The following PCDH15 variants were observed in gnomAD, a reference collection of about 807,000 sequenced individuals.
PCDH15 encodes protocadherin related 15.
PCDH15 carries 129 observed loss-of-function variants against 178.5 expected under a neutral mutation model. The observed-to-expected ratio is 0.72, with a 90% CI of 0.63 to 0.84. The LOEUF is 0.84. Among genes scored for constraint, PCDH15 ranks in the 40% least tolerant of loss-of-function variants. The pLI is 0.00. For missense variants in PCDH15, 2,230 were observed against 2,099.9 expected (o/e 1.06, Z -1.21); for synonymous variants, 800 against 732.0 (o/e 1.09, Z -1.50).
intron 2 of PCDH15, among the ~76,000 whole-genome samples, chr10:55,538,428 T>C (rs542045941): frequency 2.9e-4 from 37 of 126,906 alleles, no homozygotes; most frequent in African/African-American, 9.0e-4. Context: ...CTCCCTCCCT[T>C]CCTTCCTTCC....
intron 4 of PCDH15, among the ~76,000 whole-genome samples, chr10:54,374,947 C>A (rs1352552971): frequency 6.6e-6 from 1 of 151,906 alleles, no homozygotes; most frequent in South Asian, 2.1e-4. Context: ...ATATTGTTTG[C>A]TTTTAATTCT....
At chr10:54,675,849 T>A (rs1203017757) in intron 1 of PCDH15, among the ~76,000 whole-genome samples, 2 of 152,172 alleles carry the variant, frequency 1.3e-5, no homozygotes, top group Non-Finnish European at 2.9e-5. Flanking sequence ...TAGCCCAGAT[T>A]AGCATTGATG....
At chr10:54,309,320 TACACACACACACAC>T (rs71984217) in intron 8 of PCDH15, among the ~76,000 whole-genome samples, 54 of 146,288 alleles carry the variant, frequency 3.7e-4, no homozygotes, top group African/African-American at 1.2e-3. Context: ...TATACGTACA[TACACACACACACAC>T]ACACACACAC....
chr10:54,665,058 T>G, intron 1 of PCDH15, among the ~76,000 whole-genome samples: 1 of 151,942 alleles, frequency 6.6e-6, no homozygotes, highest in Admixed American at 6.6e-5. Context: ...TGCTCTTGAT[T>G]ATAAATTGTG....
intron 2 of PCDH15, among the ~76,000 whole-genome samples, chr10:55,334,240 A>ATGTGTGTGTG (rs1174973055): frequency 5.5e-4 from 49 of 88,608 alleles, no homozygotes; most frequent in Admixed American, 6.4e-4. Flanking sequence ...ATATATATAT[A>ATGTGTGTGTG]TATGTGTGTG....
intron 2 of PCDH15, among the ~76,000 whole-genome samples, chr10:55,555,375 T>C (rs1413668): frequency 0.74 from 112,839 of 152,044 alleles, 42,739 homozygotes; most frequent in East Asian, 0.99. Context: ...TCACCCAGTA[T>C]TTTCAATATA....
At chr10:54,182,071 C>T (rs2048035124) in intron 13 of PCDH15, among the ~76,000 whole-genome samples, 1 of 152,154 alleles carries the variant, frequency 6.6e-6, no homozygotes, top group African/African-American at 2.4e-5. Context: ...AATTCTCCTG[C>T]CTCAGCCTCC....
In PCDH15 at chr10:54,248,426, T is replaced by C. The variant is rs151020042; in HGVS notation, c.877-11495A>G. On this transcript the variant is annotated intron_variant, in intron 8 of 37. Coordinates refer to ENST00000644397, the MANE Select transcript of PCDH15 (RefSeq NM_001384140.1). ...CTATAGACTAAGACATATCATACTT[T>C]TATATCCAATAATAAATTCATTCCC... 3.1e-3 allele frequency among the ~76,000 whole-genome samples: 470 copies of C among 152,184 alleles called. 3 individuals are homozygous for C. Among genetic ancestry groups the C allele is most frequent in the African/African-American group, 0.01 (433 of 41,574 alleles).
chr10:53,908,699 A>G (rs1403463044), intron 25 of PCDH15, among the ~76,000 whole-genome samples: 1 of 152,112 alleles, frequency 6.6e-6, no homozygotes, highest in Non-Finnish European at 1.5e-5. Flanking sequence ...ACTAGACTAT[A>G]TTTTCCTCAA....
intron 25 of PCDH15, among the ~76,000 whole-genome samples, chr10:53,915,430 T>G (rs2926397): frequency 0.76 from 115,488 of 152,152 alleles, 44,466 homozygotes; most frequent in East Asian, 0.99. Context: ...CTTGGACATT[T>G]AATTAATTAG....
chr10:55,177,674 T>C (rs185065205), intron 1 of PCDH15, among the ~76,000 whole-genome samples: 1 of 152,154 alleles, frequency 6.6e-6, no homozygotes, highest in Non-Finnish European at 1.5e-5. Flanking sequence ...TCCTCAAATA[T>C]CAAGCTCTGC....
intron 8 of PCDH15, among the ~76,000 whole-genome samples, chr10:54,266,119 C>A (rs1000375232): frequency 1.3e-5 from 2 of 149,814 alleles, no homozygotes; most frequent in African/African-American, 4.9e-5. Flanking sequence ...AAATCAATAG[C>A]AAGAGGAACT....
chr10:54,821,005 G>A (rs10732214), intron 3 of PCDH15, among the ~76,000 whole-genome samples: 150,900 of 152,142 alleles, frequency 0.99, 74,847 homozygotes, highest in Middle Eastern at 1. Flanking sequence ...ACACATGATG[G>A]ATACAGTACC....
chr10:54,737,968 T>C (rs1260289250), intron 1 of PCDH15, among the ~76,000 whole-genome samples: 2 of 152,004 alleles, frequency 1.3e-5, no homozygotes, highest in African/African-American at 2.4e-5. Context: ...TAGGAGTCAC[T>C]GAAAAGCTGA....
chr10:54,266,137 G>A (rs7072332), intron 8 of PCDH15, among the ~76,000 whole-genome samples: 106,817 of 151,544 alleles, frequency 0.7, 38,507 homozygotes, highest in Middle Eastern at 0.77. Context: ...ACTCTAAAAC[G>A]CAGACACAAA....
At chr10:54,342,388 C>T (rs940667296) in intron 6 of PCDH15, among the ~76,000 whole-genome samples, 2 of 152,180 alleles carry the variant, frequency 1.3e-5, no homozygotes, top group African/African-American at 4.8e-5. Context: ...AGCCCCATGC[C>T]TTGGTGGCTT....
chr10:55,251,919 T>C (rs558320907), intron 1 of PCDH15, among the ~76,000 whole-genome samples: 95 of 151,740 alleles, frequency 6.3e-4, no homozygotes, highest in African/African-American at 2.2e-3. Context: ...CAAGGTTTAC[T>C]TGTCAAAACA....
intron 2 of PCDH15, among the ~76,000 whole-genome samples, chr10:55,354,612 T>C (rs1845029144): frequency 6.6e-6 from 1 of 152,108 alleles, no homozygotes; most frequent in Admixed American, 6.6e-5. Flanking sequence ...TATAAATTCC[T>C]GAGTCTATAT....
intron 3 of PCDH15, among the ~76,000 whole-genome samples, chr10:54,503,225 A>ATATG (rs1555012019): frequency 6.0e-5 from 5 of 83,778 alleles, no homozygotes; most frequent in Admixed American, 4.6e-4. Context: ...ATACATATAT[A>ATATG]TGTGTGTGTG....
Sources: allele counts gnomAD v4.1 joint callset (sites outside exome capture counted in the v4.1 genomes callset), GRCh38; gene constraint gnomAD v4.1.1; transcripts MANE v1.5; gene names NCBI Gene and HGNC (gene_info 2026-07-23, HGNC 2026-07-21).